Variants in MCF2L observed in about 807,000 individuals in gnomAD.
MCF2L encodes the protein guanine nucleotide exchange factor DBS.
MCF2L carries 97 observed loss-of-function variants against 153.4 expected under a neutral mutation model. That is an observed-to-expected ratio of 0.63 (90% CI 0.54 to 0.75). MCF2L has a LOEUF of 0.75. Ranked by LOEUF, MCF2L falls within the 30% of genes least tolerant of loss-of-function variation. MCF2L has a pLI of 0.00. For missense variants in MCF2L, 1,347 were observed against 1,495.2 expected (o/e 0.90, Z 1.64); for synonymous variants, 659 against 632.2 (o/e 1.04, Z -0.64).
intron 2 of MCF2L, chr13:112,957,746 C>T (rs1427909860): frequency 6.6e-6 from 1 of 152,056 alleles, no homozygotes; most frequent in Admixed American, 6.5e-5. Flanking sequence ...AACCTATGAC[C>T]CTTGTAGTCT....
chr13:113,024,414 A>G (rs2085096546), intron 2 of MCF2L, among the ~76,000 whole-genome samples: 1 of 152,238 alleles, frequency 6.6e-6, no homozygotes, highest in African/African-American at 2.4e-5. Flanking sequence ...TAGCTGTCCC[A>G]TGGTGGCCAA....
Position 112,907,170 on chromosome 13 carries a change from C to T in MCF2L, c.169+4799C>T, listed in dbSNP as rs1017910632. On this transcript the variant is annotated intron_variant, in intron 2 of 29. Coordinates refer to the MCF2L transcript ENST00000375608. The surrounding 1 kb of genome is among the most constrained non-coding windows in gnomAD (Gnocchi z 5.1). ...GACCTTGTCTCCACCTGGGGGCACG[C>T]GGGAGGGTTGGGAAGCACTTCGGGA... Among the ~76,000 whole-genome samples, 10 of 152,046 alleles carry T rather than the reference C, an allele frequency of 6.6e-5. No individual in the cohort carries two copies. Among genetic ancestry groups the T allele is most frequent in the Non-Finnish European group, 1.5e-4 (10 of 68,000 alleles).
chr13:112,944,232 A>C (rs2081611212), intron 2 of MCF2L, among the ~76,000 whole-genome samples: 1 of 148,026 alleles, frequency 6.8e-6, no homozygotes, highest in Admixed American at 6.7e-5. Flanking sequence ...CTGGGCTGTG[A>C]GGGGAGGGTC....
intron 2 of MCF2L, among the ~76,000 whole-genome samples, chr13:112,952,984 G>A (rs755175472): frequency 6.6e-6 from 1 of 152,198 alleles, no homozygotes; most frequent in Non-Finnish European, 1.5e-5. Context: ...TTTACACGGG[G>A]GGCAGTTGGT....
intron 26 of MCF2L, among the ~76,000 whole-genome samples, chr13:113,091,929 A>G (rs1177748469): frequency 1.3e-5 from 2 of 152,138 alleles, no homozygotes; most frequent in East Asian, 1.9e-4. Flanking sequence ...GCCTCCTCAC[A>G]TGACACAGCG....
chr13:112,958,156 G>A (rs970916196), intron 2 of MCF2L: 1 of 152,170 alleles, frequency 6.6e-6, no homozygotes, highest in African/African-American at 2.4e-5. Context: ...GCTCTTCCTG[G>A]GCTCTCGAGA....
chr13:113,045,354 G>A lies in MCF2L; in HGVS notation c.362G>A (p.Arg121His), dbSNP rs767778805. Reference sequence around the variant, plus strand: ...ACCTCCGTGAAGGCGTCCGTCCTGCGCATCGCAGTAAGTGCCACCCGGGGC... The same window carrying A: ...ACCTCCGTGAAGGCGTCCGTCCTGCACATCGCAGTAAGTGCCACCCGGGGC... ...KWTSVKASVL[R>H]IAASFPANLQ... The change falls in exon 4 of 30, where the codon CGC becomes CAC. Residue 121 changes from arginine (R) to histidine (H), a missense_variant. Arg to His is a conservative substitution (Grantham distance 29). Coordinates refer to ENST00000535094, the MANE Select transcript of MCF2L (RefSeq NM_001112732.3). This position sits in a 1 kb window ranked among gnomAD's most constrained non-coding sequence, Gnocchi z 4.2. 42 of 1,613,694 alleles carry A rather than the reference G, an allele frequency of 2.6e-5. No individual in the cohort carries two copies. Among genetic ancestry groups the A allele is most frequent in the Non-Finnish European group, 3.4e-5 (40 of 1,179,878 alleles).
chr13:112,961,081 GTCTGCTATGCCTCCACGTTGCA>G (rs11268614), intron 2 of MCF2L, among the ~76,000 whole-genome samples: 95,648 of 133,984 alleles, frequency 0.71, 30,429 homozygotes, highest in Middle Eastern at 0.82. Context: ...ACCAAGGGGA[GTCTGCTATGCCTCCACGTTGCA>G]TCTGCTATGC....
At chr13:112,927,001 G>A (rs1336232601) in intron 2 of MCF2L, among the ~76,000 whole-genome samples, 1 of 152,194 alleles carries the variant, frequency 6.6e-6, no homozygotes, top group African/African-American at 2.4e-5. Context: ...CATGTAGTGT[G>A]CTATAAATAC....
upstream of MCF2L, chr13:112,968,589 A>G: frequency 6.5e-7 from 1 of 1,538,276 alleles, no homozygotes; most frequent in Non-Finnish European, 8.7e-7. Context: ...GGACCCACGC[A>G]TGGACCCAGC....
Position 113,087,309 on chromosome 13 carries a change from C to T in MCF2L, c.2448C>T (p.His816=). 1 of 1,613,344 alleles carries T rather than the reference C, an allele frequency of 6.2e-7. No homozygotes were observed. Among genetic ancestry groups the T allele is most frequent in the Non-Finnish European group, 8.5e-7 (1 of 1,180,046 alleles). Reference sequence around the variant, plus strand: ...TCTGGACCGACCACAAGAGGGGCCACACCAAGGTGAAGGAGCTGGCCAGGT... The same window carrying T: ...TCTGGACCGACCACAAGAGGGGCCATACCAAGGTGAAGGAGCTGGCCAGGT... The part of the protein sequence containing the change: ...FSVWTDHKRG[H]TKVKELARFK... The change falls in exon 22 of 30, where the codon CAC becomes CAT. Residue 816 remains histidine, a synonymous_variant. Coordinates refer to ENST00000535094, the MANE Select transcript of MCF2L (RefSeq NM_001112732.3).
At chr13:113,058,373 A>G (rs1318572352) in intron 4 of MCF2L, among the ~76,000 whole-genome samples, 42 of 92,088 alleles carry the variant, frequency 4.6e-4, no homozygotes, top group South Asian at 7.9e-4. Context: ...AGTGGGCGCT[A>G]AGTGGGTGCT....
rs367610167 is a variant in MCF2L, at chr13:113,060,604, G to A, written c.381G>A (p.Pro127=). The part of the protein sequence containing the change: ...ASVLRIAASF[P]ANLQLVLVLR... ...GCCCTCTCTCACAGGCATCTTTCCCGGCAAACCTGCAGCTCGTCCTCGTGC... is the reference window on the plus strand; with the variant it reads ...GCCCTCTCTCACAGGCATCTTTCCCAGCAAACCTGCAGCTCGTCCTCGTGC... Residue 127 remains proline, a synonymous_variant, in exon 5 of 30, where the codon CCG becomes CCA. Transcript: ENST00000535094. 34 of 1,612,990 alleles carry A rather than the reference G, an allele frequency of 2.1e-5. No homozygotes were observed. Among genetic ancestry groups the A allele is most frequent in the Middle Eastern group, 1.6e-4 (1 of 6,080 alleles).
chr13:113,014,542 C>T (rs1285069826), intron 1 of MCF2L, among the ~76,000 whole-genome samples: 1 of 152,214 alleles, frequency 6.6e-6, no homozygotes, highest in Non-Finnish European at 1.5e-5. Flanking sequence ...CCTCTTATAT[C>T]ACACTTTCAA....
At chr13:113,021,493 G>T (rs2084882185) in intron 2 of MCF2L, among the ~76,000 whole-genome samples, 1 of 152,196 alleles carries the variant, frequency 6.6e-6, no homozygotes, top group East Asian at 1.9e-4. Flanking sequence ...TTGGACGTGG[G>T]TGGGGACCGG....
At chr13:113,085,606 G>A (rs1391278718) in intron 20 of MCF2L, among the ~76,000 whole-genome samples, 1 of 152,090 alleles carries the variant, frequency 6.6e-6, no homozygotes, top group Admixed American at 6.5e-5. Flanking sequence ...AGGGTGGCGA[G>A]AGGAAACTCC....
Position 113,064,330 on chromosome 13 carries a change from C to G in MCF2L, c.516C>G (p.Asp172Glu), listed in dbSNP as rs767276869. 86 of 1,612,876 alleles carry G rather than the reference C, an allele frequency of 5.3e-5. No homozygotes were observed. The highest frequency in any genetic ancestry group is 7.3e-5 in the Non-Finnish European group (86 of 1,179,882). Reference protein sequence around the residue: ...VPVIMLSSVPDLHGYIDKSQL... With the variant: ...VPVIMLSSVPELHGYIDKSQL... Reference sequence around the variant, plus strand: ...TCATAATGCTGAGCTCCGTACCAGACTTACACGGTTACATCGATAAGTCGC... The same window carrying G: ...TCATAATGCTGAGCTCCGTACCAGAGTTACACGGTTACATCGATAAGTCGC... Residue 172 changes from aspartate (D) to glutamate (E), a missense_variant, in exon 6 of 30, where the codon GAC becomes GAG. Asp to Glu is a conservative substitution (Grantham distance 45). Transcript: ENST00000535094. This position sits in a 1 kb window ranked among gnomAD's most constrained non-coding sequence, Gnocchi z 6.0.
chr13:112,955,438 G>A (rs2081745632), intron 2 of MCF2L, among the ~76,000 whole-genome samples: 1 of 152,218 alleles, frequency 6.6e-6, no homozygotes. Flanking sequence ...TCTGAACGTT[G>A]TGACATTGGC....
At chr13:113,059,897 G>A (rs374429987) in intron 4 of MCF2L, among the ~76,000 whole-genome samples, 1 of 152,236 alleles carries the variant, frequency 6.6e-6, no homozygotes, top group African/African-American at 2.4e-5. Flanking sequence ...ATGTGTCTAT[G>A]TTGCTTTTAT....
Sources: gnomAD v4.1 joint callset for allele counts (sites outside exome capture counted in the v4.1 genomes callset) on GRCh38, gnomAD v4.1.1 for gene constraint, Gnocchi (gnomAD v3.1) non-coding constraint, MANE v1.5 for transcripts, NCBI Gene and HGNC (gene_info 2026-07-23, HGNC 2026-07-21) for gene names.